The following ASTN2 variants were observed in gnomAD, a reference collection of about 807,000 sequenced individuals.
ASTN2 encodes the protein astrotactin-2.
In ASTN2, 54 loss-of-function variants were observed where a neutral mutation model predicts 139.8. The observed-to-expected ratio is 0.39, with a 90% CI of 0.31 to 0.48. ASTN2 has a LOEUF of 0.48. ASTN2 is among the 20% of genes least tolerant of loss of function. The pLI is 0.95. For missense variants in ASTN2, 1,565 were observed against 1,725.1 expected, an observed-to-expected ratio of 0.91 and a Z score of 1.64; for synonymous variants, 756 against 719.5, an observed-to-expected ratio of 1.05 and a Z score of -0.81.
intron 16 of ASTN2, among the ~76,000 whole-genome samples, chr9:116,718,974 A>ATATATATATAT (rs1564230166): frequency 1.1e-5 from 1 of 88,106 alleles, no homozygotes; most frequent in Admixed American, 1.1e-4. Context: ...CTGTATCTGT[A>ATATATATATAT]CATATATATA....
intron 6 of ASTN2, among the ~76,000 whole-genome samples, chr9:117,027,091 C>T (rs1014096792): frequency 4.6e-5 from 7 of 152,086 alleles, no homozygotes; most frequent in African/African-American, 9.7e-5. Flanking sequence ...CAAGGAGACT[C>T]GACTTAGACT....
intron 1 of ASTN2, among the ~76,000 whole-genome samples, chr9:117,293,678 C>T (rs954081045): frequency 1.3e-5 from 2 of 152,154 alleles, no homozygotes; most frequent in African/African-American, 4.8e-5. Context: ...CCCACTGACC[C>T]CCTCCCAGCC....
intron 3 of ASTN2, among the ~76,000 whole-genome samples, chr9:117,149,847 T>C (rs1830287962): frequency 6.6e-6 from 1 of 152,164 alleles, no homozygotes; most frequent in African/African-American, 2.4e-5. Flanking sequence ...GGGGTAAAAA[T>C]TGATGGATTG....
At chr9:116,820,545 T>A in intron 12 of ASTN2, 72 bp downstream of exon 12, 1 of 1,539,720 alleles carries the variant, frequency 6.5e-7, no homozygotes, top group Non-Finnish European at 8.8e-7. Flanking sequence ...TGAGCTGTAG[T>A]GTCTGATCAT....
chr9:116,783,300 C>T (rs368222670), intron 13 of ASTN2, among the ~76,000 whole-genome samples: 16 of 81,244 alleles, frequency 2.0e-4, no homozygotes, highest in South Asian at 9.2e-4. Flanking sequence ...CTTCCTTCCT[C>T]CCTCCCTCCC....
intron 1 of ASTN2, among the ~76,000 whole-genome samples, chr9:117,402,129 C>A: frequency 6.6e-6 from 1 of 152,134 alleles, no homozygotes; most frequent in South Asian, 2.1e-4. Context: ...TGCAGTGGCA[C>A]GATTTCAGCT....
intron 10 of ASTN2, among the ~76,000 whole-genome samples, chr9:116,971,786 C>G (rs769025532): frequency 2.4e-4 from 37 of 152,192 alleles, no homozygotes; most frequent in Admixed American, 5.9e-4. Flanking sequence ...CACCAGGTAG[C>G]AAACTCACTG....
chr9:117,283,312 G>C (rs1388327476), intron 2 of ASTN2, among the ~76,000 whole-genome samples: 2 of 152,278 alleles, frequency 1.3e-5, no homozygotes, highest in East Asian at 3.9e-4. Flanking sequence ...CAGGCTTTTA[G>C]TGAAACCATG....
intron 10 of ASTN2, among the ~76,000 whole-genome samples, chr9:116,900,622 T>G (rs1588395444): frequency 6.6e-6 from 1 of 152,166 alleles, no homozygotes; most frequent in Non-Finnish European, 1.5e-5. Context: ...AGACCGATTC[T>G]TCAAGGCAGC....
chr9:117,289,382 G>A (rs558644051), intron 2 of ASTN2, among the ~76,000 whole-genome samples: 3 of 152,244 alleles, frequency 2.0e-5, no homozygotes, highest in African/African-American at 4.8e-5. Context: ...TTATTATTTC[G>A]AAGCTGAACT....
chr9:117,187,474 G>A (rs1034115826), intron 3 of ASTN2, among the ~76,000 whole-genome samples: 5 of 152,056 alleles, frequency 3.3e-5, no homozygotes, highest in South Asian at 4.2e-4. Context: ...TTGAGAGATG[G>A]GGCCTTTGAG....
chr9:116,754,466 G>T (rs1291158236), intron 13 of ASTN2, among the ~76,000 whole-genome samples: 1 of 152,202 alleles, frequency 6.6e-6, no homozygotes, highest in Non-Finnish European at 1.5e-5. Context: ...ATCCTCTCCA[G>T]CATCTGCTGT....
intron 19 of ASTN2, among the ~76,000 whole-genome samples, chr9:116,494,520 G>T (rs1849613485): frequency 6.6e-6 from 1 of 151,726 alleles, no homozygotes; most frequent in African/African-American, 2.4e-5. Context: ...GCAAAAAGAA[G>T]ACATTTTGAA....
At chr9:116,627,234 T>C (rs1378137492) in intron 17 of ASTN2, among the ~76,000 whole-genome samples, 1 of 152,172 alleles carries the variant, frequency 6.6e-6, no homozygotes, top group Non-Finnish European at 1.5e-5. Context: ...AAAAATTGCC[T>C]GGAAAAGGTA....
At chr9:116,989,732 C>G (rs897485969) in intron 7 of ASTN2, among the ~76,000 whole-genome samples, 1 of 151,796 alleles carries the variant, frequency 6.6e-6, no homozygotes, top group Non-Finnish European at 1.5e-5. Flanking sequence ...TACAGGCACC[C>G]GCCACCAGGC....
At chr9:117,252,678 T>C (rs971108529) in intron 2 of ASTN2, among the ~76,000 whole-genome samples, 1 of 152,230 alleles carries the variant, frequency 6.6e-6, no homozygotes, top group African/African-American at 2.4e-5. Flanking sequence ...GAGGCAGTTA[T>C]CATCACCCTC....
chr9:116,738,685 T>C (rs1829011263), intron 13 of ASTN2, among the ~76,000 whole-genome samples: 1 of 152,180 alleles, frequency 6.6e-6, no homozygotes, highest in South Asian at 2.1e-4. Context: ...CTATCATTAT[T>C]CCCACTTTAT....
chr9:117,076,929 T>C (rs1327851492), intron 5 of ASTN2, among the ~76,000 whole-genome samples: 2 of 152,062 alleles, frequency 1.3e-5, no homozygotes, highest in Admixed American at 1.3e-4. Flanking sequence ...GGTAATTGAG[T>C]GTTTGAGAGT....
At chr9:116,571,683 T>C (rs1279225027) in intron 19 of ASTN2, among the ~76,000 whole-genome samples, 2 of 152,206 alleles carry the variant, frequency 1.3e-5, no homozygotes, top group Non-Finnish European at 2.9e-5. Context: ...TGTTTATCTA[T>C]GATACGCCTC....
Sources: gnomAD v4.1 joint callset for allele counts (sites outside exome capture counted in the v4.1 genomes callset) on GRCh38, gnomAD v4.1.1 for gene constraint, MANE v1.5 for transcripts, NCBI Gene and HGNC (gene_info 2026-07-23, HGNC 2026-07-21) for gene names.